The following PTPN21 variants were observed in gnomAD, a reference collection of about 807,000 sequenced individuals.
PTPN21 encodes tyrosine-protein phosphatase non-receptor type 21.
Under a neutral mutation model 131.8 loss-of-function variants are expected in PTPN21, and 77 were observed. That is an observed-to-expected ratio of 0.58 (90% CI 0.49 to 0.71). The LOEUF (loss-of-function observed/expected upper bound fraction) is 0.71. Among genes scored for constraint, PTPN21 ranks in the 30% least tolerant of loss-of-function variants. PTPN21 has a pLI of 0.00. For synonymous variants in PTPN21, 715 were observed against 621.3 expected, an observed-to-expected ratio of 1.15 and a Z score of -2.24; for missense variants, 1,552 against 1,527.1, an observed-to-expected ratio of 1.02 and a Z score of -0.27.
At chr14:88,522,422 T>G (rs144923869) in intron 2 of PTPN21, among the ~76,000 whole-genome samples, 1,627 of 126,494 alleles carry the variant, frequency 0.013, 38 homozygotes, top group African/African-American at 0.045. Flanking sequence ...AGAGCAAGAC[T>G]GTCTCAAAAA....
rs55946238 is a variant in PTPN21 at position 88,472,624 on chromosome 14, C to A, written c.2650-159G>T. Among the ~76,000 whole-genome samples the A allele has an allele frequency of 0.037, 5,621 of 152,230 alleles. 350 individuals carry two copies. The highest frequency in any genetic ancestry group is 0.13 in the African/African-American group (5,349 of 41,516). On this transcript the variant is annotated intron_variant, in intron 14 of 18. Transcript: ENST00000556564. Reference sequence around the variant, plus strand: ...GTGTCTCATGCCTGTAATCCCTGCACTTTGGGAGGCCAAGGAGGGAGGATC... The same window carrying A: ...GTGTCTCATGCCTGTAATCCCTGCAATTTGGGAGGCCAAGGAGGGAGGATC...
At chr14:88,505,421 A>C (rs771529601) in intron 4 of PTPN21, 50 bp from the exon 5 acceptor site, 1 of 1,319,886 alleles carries the variant, frequency 7.6e-7, no homozygotes, top group Admixed American at 1.9e-5. Flanking sequence ...ATTTCATTGC[A>C]AAATATGCAC....
In PTPN21 at chr14:88,469,124, TCA is replaced by T. The variant is rs1314636590; in HGVS notation, c.3236-50_3236-49del. The stretch of plus-strand genomic sequence containing the variant: ...AAAAGTACTCAAGGATCAAGGCGTA[TCA>T]CATTGTTGACTCAATCTTCATATTC... On this transcript the variant is annotated intron_variant, in intron 17 of 18. Transcript: ENST00000556564. This position sits in a 1 kb window ranked among gnomAD's most constrained non-coding sequence, Gnocchi z 4.3. 1.4e-5 allele frequency: 22 copies of T among 1,557,850 alleles called. No individual in the cohort carries two copies. The highest frequency in any genetic ancestry group is 1.8e-5 in the Non-Finnish European group (21 of 1,142,438).
chr14:88,521,552 G>C (rs916432280), intron 2 of PTPN21, among the ~76,000 whole-genome samples: 1 of 142,382 alleles, frequency 7.0e-6, no homozygotes, highest in Admixed American at 7.4e-5. Context: ...ACAGGCACCC[G>C]CCACCACGCC....
chr14:88,500,673 T>A lies in PTPN21; in HGVS notation c.764+110A>T, dbSNP rs375401775. On this transcript the variant is annotated intron_variant, in intron 8 of 18. Coordinates refer to ENST00000556564, the MANE Select transcript of PTPN21 (RefSeq NM_007039.4). ...CTAGGAAGGGAATTATTTCCATTTT[T>A]TAATGAGACCTTGGTATAGACTTGT... 489 of 740,604 alleles carry A rather than the reference T, an allele frequency of 6.6e-4. 4 individuals are homozygous for A. In the African/African-American group the frequency reaches 7.5e-3, roughly 11 times the overall value. 45.9% of individuals were successfully genotyped at this position (740,604 alleles called of 1,614,324 possible). A position where few individuals can be genotyped will look rare whatever the true frequency, so the allele number is the denominator to read the frequency against.
intron 15 of PTPN21, among the ~76,000 whole-genome samples, chr14:88,471,032 C>T (rs1052577227): frequency 1.3e-5 from 2 of 152,184 alleles, no homozygotes; most frequent in Non-Finnish European, 2.9e-5. Context: ...TCTTATCCAT[C>T]TAGTCATGAG....
At chr14:88,488,151 T>C (rs551851213) in intron 10 of PTPN21, among the ~76,000 whole-genome samples, 1 of 152,112 alleles carries the variant, frequency 6.6e-6, no homozygotes, top group Non-Finnish European at 1.5e-5. Context: ...TAAGAAACTT[T>C]TAAAGTACTA....
rs183773846 is a variant in PTPN21 at position 88,494,121 on chromosome 14, G to A, written c.932+2292C>T. ...GAGGGTAAAGAGACAGATCATAGTGGAAGGGGGGTACCATAGGACAATCAG... is the reference window on the plus strand; with the variant it reads ...GAGGGTAAAGAGACAGATCATAGTGAAAGGGGGGTACCATAGGACAATCAG... On this transcript the variant is annotated intron_variant, in intron 10 of 18. Transcript: ENST00000556564. 2.6e-5 allele frequency among the ~76,000 whole-genome samples: 4 copies of A among 152,150 alleles called. No homozygotes were observed. The South Asian group carries it at 8.3e-4, about 31-fold the overall frequency.
intron 2 of PTPN21, among the ~76,000 whole-genome samples, chr14:88,544,588 A>G (rs1479349411): frequency 6.6e-6 from 1 of 152,164 alleles, no homozygotes; most frequent in Admixed American, 6.5e-5. Flanking sequence ...TGAAAAATCA[A>G]TGAACTTGGG....
chr14:88,548,973 A>G (rs1595424237), intron 2 of PTPN21, among the ~76,000 whole-genome samples: 4 of 152,230 alleles, frequency 2.6e-5, no homozygotes, highest in Admixed American at 1.3e-4. Context: ...AGTCATCCCC[A>G]TGGTTCAGAT....
intron 12 of PTPN21, among the ~76,000 whole-genome samples, chr14:88,484,047 G>T (rs73314193): frequency 0.037 from 5,344 of 143,698 alleles, 332 homozygotes; most frequent in African/African-American, 0.13. Flanking sequence ...ATTCTAAGGT[G>T]TTTTTTTTTT....
At chr14:88,515,089 T>C (rs558819786) in intron 3 of PTPN21, 2 of 152,300 alleles carry the variant, frequency 1.3e-5, no homozygotes, top group South Asian at 4.1e-4. Flanking sequence ...GCGCTGAGGA[T>C]GCTGGAGCAC....
At chr14:88,515,881 G>C (rs1447022670) in intron 3 of PTPN21, among the ~76,000 whole-genome samples, 1 of 152,190 alleles carries the variant, frequency 6.6e-6, no homozygotes, top group Admixed American at 6.5e-5. Context: ...AAAGTGATCA[G>C]TTCAGGCTTT....
At position 88,485,815 on chromosome 14, in the gene PTPN21, T is replaced by G; in HGVS notation, c.960A>C (p.Pro320=). 15 of 1,609,264 alleles carry G rather than the reference T, an allele frequency of 9.3e-6. No homozygotes were observed. Among genetic ancestry groups the G allele is most frequent in the Non-Finnish European group, 1.2e-5 (14 of 1,176,010 alleles). Residue 320 remains proline (P), a synonymous_variant, in exon 11 of 19, where the codon CCA becomes CCC. Coordinates refer to ENST00000556564, the MANE Select transcript of PTPN21 (RefSeq NM_007039.4). ...NLQTQTVTVN[P]IRRRSSSRMS... ...TCCTTGAAGAAGACCTCCTCCTGAT[T>G]GGGTTCACTGTGACAGTCTGAGTTT...
intron 10 of PTPN21, among the ~76,000 whole-genome samples, chr14:88,495,399 G>C (rs945850577): frequency 6.6e-6 from 1 of 152,196 alleles, no homozygotes; most frequent in African/African-American, 2.4e-5. Context: ...GGTGGCTCAC[G>C]CCTGTAATCC....
At chr14:88,525,737 A>G (rs2078465124) in intron 2 of PTPN21, among the ~76,000 whole-genome samples, 1 of 152,214 alleles carries the variant, frequency 6.6e-6, no homozygotes, top group Non-Finnish European at 1.5e-5. Flanking sequence ...GTGCTCAAGA[A>G]ACACATGTAT....
chr14:88,470,319 C>A, intron 15 of PTPN21: 1 of 436,392 alleles, frequency 2.3e-6, no homozygotes, highest in East Asian at 4.7e-5. Flanking sequence ...TGTCAGTTCT[C>A]ATTTATACAA....
chr14:88,479,816 C>A lies in PTPN21; in HGVS notation c.1615G>T (p.Val539Leu). 1 of 1,547,422 alleles carries A rather than the reference C, an allele frequency of 6.5e-7. No individual in the cohort carries two copies. Among genetic ancestry groups the A allele is most frequent in the Non-Finnish European group, 8.7e-7 (1 of 1,152,390 alleles). Residue 539 changes from valine to leucine, a missense_variant, in exon 13 of 19, where the codon GTG becomes TTG. Physicochemically the swap from Val to Leu is conservative, Grantham distance 32 (BLOSUM62 1). This residue lies in a region of PTPN21 where 1,016 missense variants were observed against 883.5 expected (regional missense o/e 1.15). Coordinates refer to ENST00000556564, the MANE Select transcript of PTPN21 (RefSeq NM_007039.4). ...AGCTGCGCATTGGTCAGCTCCGGCA[C>A]GCTGACCGCGCCCACCACGGGCCGC... ...ERRPVVGAVS[V>L]PELTNAQLQA...
intron 2 of PTPN21, among the ~76,000 whole-genome samples, chr14:88,546,171 CA>C (rs200433541): frequency 6.7e-6 from 1 of 149,992 alleles, no homozygotes; most frequent in African/African-American, 2.5e-5. Flanking sequence ...AAAATACAAA[CA>C]AAAAAAATAC....
Sources: allele counts gnomAD v4.1 joint callset (sites outside exome capture counted in the v4.1 genomes callset), GRCh38; gene constraint gnomAD v4.1.1; regional missense constraint gnomAD v4.1.1; non-coding constraint Gnocchi (gnomAD v3.1); transcripts MANE v1.5; gene names NCBI Gene and HGNC (gene_info 2026-07-23, HGNC 2026-07-21).